Variants in OGDH observed in about 807,000 individuals in gnomAD.
OGDH encodes the protein 2-oxoglutarate dehydrogenase complex component E1.
Under a neutral mutation model 116.6 loss-of-function variants are expected in OGDH, and 38 were observed. That is an observed-to-expected ratio of 0.33 (90% CI 0.25 to 0.43). OGDH has a LOEUF of 0.43. OGDH is among the 20% of genes least tolerant of loss of function. The pLI is 1.00. For synonymous variants in OGDH, 488 were observed against 533.3 expected (o/e 0.92, Z 1.17); for missense variants, 825 against 1,357.2 (o/e 0.61, Z 6.16).
At chr7:44,670,942 C>A (rs1787414256) in intron 5 of OGDH, among the ~76,000 whole-genome samples, 1 of 140,250 alleles carries the variant, frequency 7.1e-6, no homozygotes, top group Admixed American at 7.9e-5. Context: ...ACCCGGGAGG[C>A]AGAGCTTGCA....
At chr7:44,666,347 C>T (rs1412387657) in intron 4 of OGDH, among the ~76,000 whole-genome samples, 1 of 152,146 alleles carries the variant, frequency 6.6e-6, no homozygotes, top group African/African-American at 2.4e-5. Context: ...TCCTCCTTAA[C>T]TATTGTACTG....
intron 20 of OGDH, among the ~76,000 whole-genome samples, chr7:44,703,026 TAC>T (rs1239498035): frequency 2.6e-5 from 4 of 152,248 alleles, no homozygotes; most frequent in Admixed American, 6.5e-5. Context: ...AGTGAAATCA[TAC>T]AGTCTTTGTC....
At chr7:44,683,936 G>T (rs1181756804) in intron 10 of OGDH, among the ~76,000 whole-genome samples, 2 of 152,204 alleles carry the variant, frequency 1.3e-5, no homozygotes, top group African/African-American at 4.8e-5. Context: ...GCACCGGTGT[G>T]CTCCCTATCA....
intron 4 of OGDH, among the ~76,000 whole-genome samples, chr7:44,649,255 T>TG (rs1773165869): frequency 6.8e-6 from 1 of 146,554 alleles, no homozygotes; most frequent in African/African-American, 2.5e-5. Context: ...GTTTTTTTTT[T>TG]TTTTTTTTTT....
At chr7:44,641,209 CTTTTTTTTTTTTTTTCTTT>C (rs1286837510) in intron 2 of OGDH, among the ~76,000 whole-genome samples, 1 of 108,592 alleles carries the variant, frequency 9.2e-6, no homozygotes, top group African/African-American at 3.2e-5. Context: ...CCTTTTTCTT[CTTTTTTTTTTTTTTTCTTT>C]TTTTTTTTTT....
At chr7:44,658,452 CT>C (rs759195013) in intron 4 of OGDH, among the ~76,000 whole-genome samples, 422 of 132,576 alleles carry the variant, frequency 3.2e-3, no homozygotes, top group African/African-American at 7.2e-3. Flanking sequence ...CATTCTAGGG[CT>C]TTTTTTTTTT....
At position 44,707,680 on chromosome 7, in the gene OGDH, C is replaced by T; in HGVS notation, c.2895C>T (p.Tyr965=). ...WCQEEHKNQG[Y]YDYVKPRLRT... is the part of the protein sequence containing the mutation. ...AGGAGGAGCACAAGAACCAAGGCTACTATGACTACGTGAAGCCAAGACTTC... is the reference window on the plus strand; with the variant it reads ...AGGAGGAGCACAAGAACCAAGGCTATTATGACTACGTGAAGCCAAGACTTC... Residue 965 remains tyrosine (Y), a synonymous_variant, in exon 22 of 23, where the codon TAC becomes TAT. Transcript: ENST00000222673. The surrounding 1 kb of genome is among the most constrained non-coding windows in gnomAD (Gnocchi z 5.2). 1 of 1,614,234 alleles carries T rather than the reference C, an allele frequency of 6.2e-7. No individual in the cohort carries two copies. The highest frequency in any genetic ancestry group is 8.5e-7 in the Non-Finnish European group (1 of 1,180,046).
At chr7:44,692,441 T>G (rs1190515647) in intron 10 of OGDH, among the ~76,000 whole-genome samples, 1 of 152,218 alleles carries the variant, frequency 6.6e-6, no homozygotes, top group Non-Finnish European at 1.5e-5. Context: ...ATATACTGTT[T>G]ACGGACATAT....
At chr7:44,706,991 T>TA (rs1290053831) in intron 20 of OGDH, among the ~76,000 whole-genome samples, 2 of 152,226 alleles carry the variant, frequency 1.3e-5, no homozygotes, top group African/African-American at 2.4e-5. Context: ...AGCCTGGTGT[T>TA]ACTTGATACC....
chr7:44,637,712 A>G (rs1785733203), intron 2 of OGDH, among the ~76,000 whole-genome samples: 2 of 151,902 alleles, frequency 1.3e-5, no homozygotes, highest in African/African-American at 4.8e-5. Context: ...GGGGAGGCTG[A>G]GGCAGGAGAA....
chr7:44,700,358 G>A (rs186935500), intron 19 of OGDH, 89 bp downstream of exon 19: 1 of 1,533,764 alleles, frequency 6.5e-7, no homozygotes, highest in Admixed American at 1.9e-5. Context: ...TCTTGCTTGG[G>A]GTTAGCTAGG....
At chr7:44,690,119 A>C (rs1367770403) in intron 10 of OGDH, among the ~76,000 whole-genome samples, 2 of 152,264 alleles carry the variant, frequency 1.3e-5, no homozygotes, top group Non-Finnish European at 2.9e-5. Context: ...GTAGCAAAGC[A>C]TCTAATGGAC....
intron 20 of OGDH, among the ~76,000 whole-genome samples, chr7:44,702,101 A>G (rs1336159400): frequency 1.3e-5 from 2 of 151,398 alleles, no homozygotes; most frequent in Non-Finnish European, 1.5e-5. Context: ...CCATGATACC[A>G]GATGAGGGAG....
chr7:44,666,897 G>T, intron 5 of OGDH, 46 bp downstream of exon 5: 2 of 1,177,826 alleles, frequency 1.7e-6, no homozygotes, highest in Non-Finnish European at 2.5e-6. Context: ...TTAAGAACTT[G>T]TATTGGCAGG....
intron 3 of OGDH, chr7:44,647,400 C>A: frequency 7.4e-7 from 1 of 1,358,922 alleles, no homozygotes; most frequent in Non-Finnish European, 1.0e-6. Context: ...CTCCCCACAG[C>A]TCACTGGATC....
Position 44,707,346 on chromosome 7 carries a change from A to C in OGDH, c.2754A>C (p.Ala918=). The change falls in exon 21 of 23, where the codon GCA becomes GCC. Residue 918 remains alanine, a synonymous_variant. Coordinates refer to ENST00000222673, the MANE Select transcript of OGDH (RefSeq NM_002541.4). The surrounding 1 kb of genome is among the most constrained non-coding windows in gnomAD (Gnocchi z 5.2). ...ATGACCTCACCCGGGAGCGCAAAGC[A>C]CGCGACATGGTGGGGCAGGTGGCCA... is the stretch of plus-strand genomic sequence containing the variant. ...VYYDLTRERK[A]RDMVGQVAIT... 6.2e-6 allele frequency: 10 copies of C among 1,614,276 alleles called. No individual in the cohort carries two copies. Among genetic ancestry groups the C allele is most frequent in the Non-Finnish European group, 8.5e-6 (10 of 1,180,054 alleles).
At position 44,701,622 on chromosome 7, in the gene OGDH, G is replaced by T. The variant is rs1047351354; in HGVS notation, c.2632+7G>T. ...TTTGATGAGATGCTTCCAGGTGGGT[G>T]TGAGGGAGATGGGCATTTCCTTGGG... On this transcript the variant is annotated splice_region_variant and intron_variant, in intron 20 of 22. Coordinates refer to ENST00000222673, the MANE Select transcript of OGDH (RefSeq NM_002541.4). The T allele has an allele frequency of 2.5e-6, 4 of 1,613,796 alleles. No homozygotes were observed. The African/African-American group carries it at 5.3e-5, about 22-fold the overall frequency.
chr7:44,627,196 C>T (rs1189772392), intron 2 of OGDH, among the ~76,000 whole-genome samples: 1 of 152,144 alleles, frequency 6.6e-6, no homozygotes, highest in Admixed American at 6.5e-5. Flanking sequence ...GGGGTTTCAC[C>T]ATGTTAGTCG....
At chr7:44,607,076 C>T (rs369711129) in intron 1 of OGDH, among the ~76,000 whole-genome samples, 3 of 152,358 alleles carry the variant, frequency 2.0e-5, no homozygotes, top group East Asian at 3.9e-4. Flanking sequence ...TCCTTCCCGA[C>T]CGGGACGCAC....
Sources: gnomAD v4.1 joint callset for allele counts (sites outside exome capture counted in the v4.1 genomes callset) on GRCh38, gnomAD v4.1.1 for gene constraint, Gnocchi (gnomAD v3.1) non-coding constraint, MANE v1.5 for transcripts, NCBI Gene and HGNC (gene_info 2026-07-23, HGNC 2026-07-21) for gene names.